Variants in RERE observed in about 807,000 individuals in gnomAD.
The protein encoded by RERE is arginine-glutamic acid dipeptide repeats.
Under a neutral mutation model 146.1 loss-of-function variants are expected in RERE, and 40 were observed. That is an observed-to-expected ratio of 0.27 (90% CI 0.21 to 0.36). RERE has a LOEUF of 0.36. RERE is among the 10% of genes least tolerant of loss of function. RERE has a pLI of 1.00. For synonymous variants in RERE, 1,003 were observed against 866.0 expected, an observed-to-expected ratio of 1.16 and a Z score of -2.78; for missense variants, 1,933 against 2,138.7, an observed-to-expected ratio of 0.90 and a Z score of 1.90.
intron 1 of RERE, among the ~76,000 whole-genome samples, chr1:8,738,283 CTTTT>C (rs544824181): frequency 6.6e-6 from 1 of 151,418 alleles, no homozygotes; most frequent in Non-Finnish European, 1.5e-5. Context: ...TGTTGTTGTT[CTTTT>C]TTTTTATTTT....
intron 1 of RERE, among the ~76,000 whole-genome samples, chr1:8,757,911 T>TACAC (rs35913290): frequency 2.3e-3 from 70 of 30,168 alleles, no homozygotes; most frequent in Non-Finnish European, 5.2e-3. Context: ...CACACATACA[T>TACAC]ACACACACAC....
chr1:8,732,853 GCT>G (rs997672034), intron 1 of RERE, among the ~76,000 whole-genome samples: 7 of 104,056 alleles, frequency 6.7e-5, no homozygotes, highest in Non-Finnish European at 1.2e-4. Context: ...ATGGAGTCTT[GCT>G]CTGTCACCCA....
At chr1:8,691,282 C>T (rs1439379410) in intron 1 of RERE, among the ~76,000 whole-genome samples, 2 of 152,140 alleles carry the variant, frequency 1.3e-5, no homozygotes, top group African/African-American at 4.8e-5. Flanking sequence ...AAACCACATG[C>T]TCAGAAGGTC....
intron 7 of RERE, among the ~76,000 whole-genome samples, chr1:8,538,829 A>C (rs1645760542): frequency 6.6e-6 from 1 of 152,248 alleles, no homozygotes; most frequent in African/African-American, 2.4e-5. Flanking sequence ...AGATCCTGTA[A>C]GTGTGCTGCT....
intron 7 of RERE, among the ~76,000 whole-genome samples, chr1:8,521,329 T>C (rs1265326481): frequency 1.3e-5 from 2 of 152,164 alleles, no homozygotes; most frequent in Non-Finnish European, 2.9e-5. Context: ...ATTGTCTTAG[T>C]TGAACAGGCT....
chr1:8,737,326 A>G (rs1640220899), intron 1 of RERE, among the ~76,000 whole-genome samples: 1 of 152,238 alleles, frequency 6.6e-6, no homozygotes, highest in Non-Finnish European at 1.5e-5. Context: ...AAAAAGGAAA[A>G]TAACATTCCA....
intron 11 of RERE, among the ~76,000 whole-genome samples, chr1:8,427,110 C>A (rs1291095975): frequency 1.3e-5 from 2 of 152,148 alleles, no homozygotes; most frequent in African/African-American, 4.8e-5. Context: ...CCCGCTTTGA[C>A]CTCCCAAAGT....
At chr1:8,662,097 C>CA (rs1291484045) in intron 1 of RERE, among the ~76,000 whole-genome samples, 4 of 152,116 alleles carry the variant, frequency 2.6e-5, no homozygotes, top group African/African-American at 9.7e-5. Flanking sequence ...TGCCAAAGCT[C>CA]AAAAAATGGC....
At chr1:8,629,058 T>C (rs1306225617) in intron 2 of RERE, among the ~76,000 whole-genome samples, 1 of 152,196 alleles carries the variant, frequency 6.6e-6, no homozygotes, top group Non-Finnish European at 1.5e-5. Context: ...TTACCAGAAT[T>C]GAGCAAACGG....
intron 1 of RERE, among the ~76,000 whole-genome samples, chr1:8,703,907 A>G (rs1639511297): frequency 6.6e-6 from 1 of 152,250 alleles, no homozygotes; most frequent in African/African-American, 2.4e-5. Flanking sequence ...TTCCTTACAC[A>G]TTAAGAATTC....
At chr1:8,677,055 A>G (rs1293851575) in intron 1 of RERE, among the ~76,000 whole-genome samples, 1 of 151,750 alleles carries the variant, frequency 6.6e-6, no homozygotes, top group African/African-American at 2.4e-5. Flanking sequence ...TCACCCTTTC[A>G]CCTTTGCTCA....
intron 12 of RERE, chr1:8,380,932 C>T (rs1015479352): frequency 1.3e-5 from 6 of 456,610 alleles, no homozygotes; most frequent in Admixed American, 7.1e-5. Context: ...TCTCCTACCA[C>T]GTTCGGCTTC....
chr1:8,454,830 A>C (rs563369118), intron 11 of RERE, among the ~76,000 whole-genome samples: 2,017 of 149,902 alleles, frequency 0.013, 45 homozygotes, highest in African/African-American at 0.049. Flanking sequence ...CAAACAACAA[A>C]AAAAAACCCC....
chr1:8,536,175 T>C (rs1488729425), intron 7 of RERE, among the ~76,000 whole-genome samples: 3 of 152,042 alleles, frequency 2.0e-5, no homozygotes, highest in Non-Finnish European at 4.4e-5. Flanking sequence ...ACTTCTGCAA[T>C]TCCCAAGAAG....
intron 12 of RERE, among the ~76,000 whole-genome samples, chr1:8,397,420 A>G (rs1643093152): frequency 6.8e-6 from 1 of 146,052 alleles, no homozygotes; most frequent in Admixed American, 6.6e-5. Context: ...ATTTTACAGC[A>G]TCTAAGAGAC....
intron 1 of RERE, among the ~76,000 whole-genome samples, chr1:8,790,321 A>G (rs1569804503): frequency 6.6e-6 from 1 of 152,132 alleles, no homozygotes; most frequent in South Asian, 2.1e-4. Context: ...ATGTGGGCAA[A>G]CCCCACCATA....
intron 8 of RERE, among the ~76,000 whole-genome samples, chr1:8,498,736 C>CACACACACACAT (rs1339755356): frequency 7.0e-6 from 1 of 142,304 alleles, no homozygotes; most frequent in Non-Finnish European, 1.6e-5. Flanking sequence ...AATATATACA[C>CACACACACACAT]ACACACACAC....
rs905503024 is a variant in RERE, at chr1:8,750,635, C to A, written c.-145+66525G>T. 7.3e-6 allele frequency: 7 copies of A among 954,556 alleles called. No individual in the cohort carries two copies. In the East Asian group the frequency reaches 1.7e-4, roughly 23 times the overall value. The allele number at this position is 954,556 out of a possible 1,614,324, so 59.1% of individuals were successfully genotyped here. On this transcript the variant is annotated intron_variant, in intron 1 of 22. Coordinates refer to ENST00000400908, the MANE Select transcript of RERE (RefSeq NM_001042681.2). Reference sequence around the variant, plus strand: ...TAGGCAGATGTACAGAACTGAAATTCGAATGGCAAGGATGGCAAGAAAAGC... The same window carrying A: ...TAGGCAGATGTACAGAACTGAAATTAGAATGGCAAGGATGGCAAGAAAAGC...
At chr1:8,590,288 G>A (rs1646476775) in intron 4 of RERE, among the ~76,000 whole-genome samples, 1 of 152,108 alleles carries the variant, frequency 6.6e-6, no homozygotes, top group Non-Finnish European at 1.5e-5. Flanking sequence ...TCCCAGAATA[G>A]GTGCCATTCG....
Sources: allele counts gnomAD v4.1 joint callset (sites outside exome capture counted in the v4.1 genomes callset), GRCh38; gene constraint gnomAD v4.1.1; transcripts MANE v1.5; gene names NCBI Gene and HGNC (gene_info 2026-07-23, HGNC 2026-07-21).